SPATA21: variants seen among roughly 807,000 people sequenced by gnomAD.
SPATA21 encodes the protein spermatogenesis-associated protein 21.
SPATA21 carries 47 observed loss-of-function variants against 54.8 expected under a neutral mutation model. That is an observed-to-expected ratio of 0.86 (90% confidence interval 0.68 to 1.09). The LOEUF (loss-of-function observed/expected upper bound fraction) is 1.09, where lower values mean the gene tolerates loss of function less well. SPATA21 is among the 50% of genes least tolerant of loss of function. SPATA21 has a pLI of 0.00. For synonymous variants in SPATA21, 245 were observed against 235.3 expected, an observed-to-expected ratio of 1.04 and a Z score of -0.38; for missense variants, 599 against 596.4, an observed-to-expected ratio of 1.00 and a Z score of -0.05.
chr1:16,421,802 A>G lies in SPATA21; in HGVS notation c.95+109T>C. 8 of 1,527,154 alleles carry G rather than the reference A, an allele frequency of 5.2e-6. No individual in the cohort carries two copies. The highest frequency in any genetic ancestry group is 6.3e-6 in the Non-Finnish European group (7 of 1,107,238). The allele number at this position is 1,527,154 out of a possible 1,614,324, so 94.6% of individuals were successfully genotyped here. ...GACCCAGCGGAGCATGACTTGCCCA[A>G]GGTCCTCTACCAGGTCAGGAGCAGT... On this transcript the variant is annotated intron_variant, in intron 4 of 12. Transcript: ENST00000335496. This position sits in a 1 kb window ranked among gnomAD's most constrained non-coding sequence, Gnocchi z 5.2.
intron 7 of SPATA21, among the ~76,000 whole-genome samples, 187 bp downstream of exon 7, chr1:16,408,931 T>A (rs2085737788): frequency 6.6e-6 from 1 of 150,462 alleles, no homozygotes; most frequent in Non-Finnish European, 1.5e-5. Flanking sequence ...AGCAGCTTTG[T>A]GAGCTGGAGC....
chr1:16,398,633 G>T, downstream of SPATA21: 2 of 984,344 alleles, frequency 2.0e-6, no homozygotes, highest in Non-Finnish European at 3.1e-6. Flanking sequence ...TTGGCAAGAG[G>T]CACAGAGGCT....
intron 3 of SPATA21, among the ~76,000 whole-genome samples, chr1:16,422,405 G>A (rs7527495): frequency 0.043 from 6,580 of 152,236 alleles, 475 homozygotes; most frequent in African/African-American, 0.15. Flanking sequence ...CCCAGAGAAG[G>A]CGTGGCCTAC....
At chr1:16,403,647 C>T (rs1045536330) in intron 10 of SPATA21, 80 bp downstream of exon 10, 13 of 1,295,168 alleles carry the variant, frequency 1.0e-5, no homozygotes, top group Non-Finnish European at 1.1e-5. Context: ...GTCGTAACTA[C>T]CAAAAGTTCT....
Position 16,428,048 on chromosome 1 carries a change from G to A in SPATA21, c.34+3290C>T. Reference sequence around the variant, plus strand: ...GAGATATCCATGGCAGTGGCTTGAGGGCTGGCATTGAGTACCCGTTCTGGA... The same window carrying A: ...GAGATATCCATGGCAGTGGCTTGAGAGCTGGCATTGAGTACCCGTTCTGGA... On this transcript the variant is annotated intron_variant, in intron 3 of 12. Transcript: ENST00000335496. This position sits in a 1 kb window ranked among gnomAD's most constrained non-coding sequence, Gnocchi z 4.3. 1 of 1,532,122 alleles carries A rather than the reference G, an allele frequency of 6.5e-7. No homozygotes were observed. The highest frequency in any genetic ancestry group is 8.8e-7 in the Non-Finnish European group (1 of 1,132,498). 94.9% of individuals were successfully genotyped at this position (1,532,122 alleles called of 1,614,324 possible). A position where few individuals can be genotyped will look rare whatever the true frequency, so the allele number is the denominator to read the frequency against.
intron 1 of SPATA21, among the ~76,000 whole-genome samples, chr1:16,433,439 C>T (rs2086509343): frequency 6.6e-6 from 1 of 152,200 alleles, no homozygotes. Flanking sequence ...TTCCTTGCCC[C>T]TCCCCAGCCT....
In SPATA21 at chr1:16,410,046, G is replaced by A. The variant is rs761917053; in HGVS notation, c.145-3C>T. 2.6e-6 allele frequency: 4 copies of A among 1,540,500 alleles called. No individual in the cohort carries two copies. The highest frequency in any genetic ancestry group is 3.5e-6 in the Non-Finnish European group (4 of 1,147,984). ...CTCTCTCCAATGTCCCTCACCTCCT[G>A]GGGACAGGGGAGGGGATCCAGGAGG... On this transcript the variant is annotated splice_region_variant and splice_polypyrimidine_tract_variant and intron_variant, in intron 5 of 12. Transcript: ENST00000335496.
At chr1:16,416,449 G>A (rs971321934) in intron 5 of SPATA21, among the ~76,000 whole-genome samples, 6 of 152,026 alleles carry the variant, frequency 3.9e-5, no homozygotes, top group African/African-American at 7.2e-5. Context: ...AAGCTGAGGC[G>A]GGTGGATCAT....
At chr1:16,436,160 G>A (rs1248574274) in intron 1 of SPATA21, among the ~76,000 whole-genome samples, 1 of 152,138 alleles carries the variant, frequency 6.6e-6, no homozygotes, top group African/African-American at 2.4e-5. Flanking sequence ...GCCGAGGCGG[G>A]CAGATCACCT....
rs144717331 is a variant in SPATA21, at chr1:16,409,118, C to A, written c.673G>T (p.Ala225Ser). The A allele has an allele frequency of 6.2e-7, 1 of 1,614,112 alleles. No individual in the cohort carries two copies. The highest frequency in any genetic ancestry group is 1.1e-5 in the South Asian group (1 of 91,086). The part of the protein sequence containing the change: ...EEQLTLKQEE[A>S]FRSYFEIFNG... ...ACCTCCCTGACCTCCCTGCCCTCAC[C>A]TTCCTCTTGCTTCAGGGTCAGTTGC... is the stretch of plus-strand genomic sequence containing the variant. Residue 225 changes from alanine (A) to serine (S), a missense_variant and splice_region_variant, in exon 7 of 13, where the codon GCC (alanine) becomes TCC (serine). Physicochemically the swap from Ala to Ser is moderately conservative, Grantham distance 99. Coordinates refer to ENST00000335496, the MANE Select transcript of SPATA21 (RefSeq NM_198546.1). This position sits in a 1 kb window ranked among gnomAD's most constrained non-coding sequence, Gnocchi z 4.1.
chr1:16,408,669 C>T (rs1385417785), intron 7 of SPATA21: 5 of 239,718 alleles, frequency 2.1e-5, no homozygotes, highest in Non-Finnish European at 2.7e-5. Context: ...TTCAGGAGTT[C>T]GAGACCAGCC....
At chr1:16,420,447 G>T (rs1265342310) in intron 5 of SPATA21, among the ~76,000 whole-genome samples, 1 of 151,608 alleles carries the variant, frequency 6.6e-6, no homozygotes, top group Non-Finnish European at 1.5e-5. Flanking sequence ...AACCCGGGAG[G>T]TGGAGGTTGC....
chr1:16,415,517 C>A (rs1304542723), intron 5 of SPATA21, among the ~76,000 whole-genome samples: 1 of 152,162 alleles, frequency 6.6e-6, no homozygotes. Flanking sequence ...CTCTGAGCCC[C>A]AAGGTGGGTA....
chr1:16,405,148 TTC>T (rs1468325781), intron 7 of SPATA21, 44 bp from the exon 8 acceptor site: 1 of 1,572,756 alleles, frequency 6.4e-7, no homozygotes. Flanking sequence ...CATTTCTTGT[TTC>T]TGTCATTCAT....
intron 3 of SPATA21, chr1:16,424,982 G>T (rs954881107): frequency 3.8e-5 from 12 of 314,548 alleles, no homozygotes; most frequent in African/African-American, 2.0e-4. Flanking sequence ...GCAATGGCGC[G>T]ATCTCAGCTC....
intron 1 of SPATA21, among the ~76,000 whole-genome samples, chr1:16,433,466 C>T (rs888201227): frequency 7.9e-5 from 12 of 152,218 alleles, no homozygotes; most frequent in African/African-American, 2.9e-4. Context: ...CATTAGGGTT[C>T]CCCTAGCCAT....
intron 2 of SPATA21, 33 bp downstream of exon 2, chr1:16,432,757 A>T (rs535771986): frequency 1.3e-5 from 2 of 152,306 alleles, no homozygotes; most frequent in South Asian, 2.1e-4. Context: ...CCTAACCCCC[A>T]TGCCCCTTCC....
At chr1:16,435,699 T>A (rs1214446203) in intron 1 of SPATA21, among the ~76,000 whole-genome samples, 1 of 151,654 alleles carries the variant, frequency 6.6e-6, no homozygotes, top group African/African-American at 2.4e-5. Flanking sequence ...CACTATAGCC[T>A]TGACCTCTTG....
chr1:16,424,249 C>T (rs1306859095), intron 3 of SPATA21, among the ~76,000 whole-genome samples: 8 of 118,792 alleles, frequency 6.7e-5, no homozygotes, highest in African/African-American at 9.8e-5. Flanking sequence ...GGAGGCAGAG[C>T]TTGCAGTGAG....
Sources: allele counts gnomAD v4.1 joint callset (sites outside exome capture counted in the v4.1 genomes callset), GRCh38; gene constraint gnomAD v4.1.1; non-coding constraint Gnocchi (gnomAD v3.1); transcripts MANE v1.5; gene names NCBI Gene and HGNC (gene_info 2026-07-23, HGNC 2026-07-21).